TARS2: variants seen among roughly 807,000 people sequenced by gnomAD.
TARS2 encodes the protein threonyl-tRNA synthetase 2, mitochondrial.
In TARS2, 61 loss-of-function variants were observed where a neutral mutation model predicts 94.4. The ratio of observed to expected loss-of-function variants is 0.65; its 90% CI spans 0.53 to 0.80. The LOEUF (loss-of-function observed/expected upper bound fraction) is 0.80, where lower values mean the gene tolerates loss of function less well. Among genes scored for constraint, TARS2 ranks in the 30% least tolerant of loss-of-function variants. TARS2 has a pLI of 0.00. For missense variants in TARS2, 704 were observed against 902.5 expected, an observed-to-expected ratio of 0.78 and a Z score of 2.82; for synonymous variants, 359 against 353.4, an observed-to-expected ratio of 1.02 and a Z score of -0.18.
At chr1:150,499,910 A>G (rs1669837150) in intron 13 of TARS2, among the ~76,000 whole-genome samples, 1 of 151,690 alleles carries the variant, frequency 6.6e-6, no homozygotes, top group Middle Eastern at 3.2e-3. Context: ...CCAAGTAAAG[A>G]TGTGTTTCAG....
intron 13 of TARS2, among the ~76,000 whole-genome samples, chr1:150,499,794 C>T (rs927194485): frequency 2.0e-5 from 3 of 152,086 alleles, no homozygotes; most frequent in Admixed American, 6.6e-5. Flanking sequence ...GAGATCTGTG[C>T]TGTGTAGGTA....
intron 13 of TARS2, among the ~76,000 whole-genome samples, chr1:150,501,683 T>C (rs1216944334): frequency 1.3e-5 from 2 of 151,912 alleles, no homozygotes; most frequent in Admixed American, 6.6e-5. Flanking sequence ...CTGGATGTGA[T>C]GGTGGGCACC....
intron 7 of TARS2, among the ~76,000 whole-genome samples, chr1:150,495,040 GAGGTGGCGGGCGCCTGTAGTCCC>G (rs1454658382): frequency 6.6e-6 from 1 of 152,070 alleles, no homozygotes; most frequent in African/African-American, 2.4e-5. Context: ...TTAGCTGGGC[GAGGTGGCGGGCGCCTGTAGTCCC>G]AGCTACTTGG....
chr1:150,497,571 C>A lies in TARS2; in HGVS notation c.1062C>A (p.Pro354=), dbSNP rs761254077. The part of the protein sequence containing the change: ...AHRGFSEVKT[P]TLFSTKLWEQ... ...GTGGTTTCTCCGAGGTGAAAACTCC[C>A]ACACTGTTTTCTACGAAGCTCTGGG... The change falls in exon 10 of 18, where the codon CCC becomes CCA. Residue 354 remains proline, a synonymous_variant. Transcript: ENST00000369064. The A allele has an allele frequency of 6.2e-7, 1 of 1,614,144 alleles. No homozygotes were observed. The highest frequency in any genetic ancestry group is 1.1e-5 in the South Asian group (1 of 91,088).
Position 150,504,749 on chromosome 1 carries a change from T to A in TARS2, c.1820+16T>A. 6.2e-7 allele frequency: 1 copy of A among 1,613,936 alleles called. No individual in the cohort carries two copies. Among genetic ancestry groups the A allele is most frequent in the Non-Finnish European group, 8.5e-7 (1 of 1,179,820 alleles). ...GGGGGAAATGGTGAGACCTCTGACC[T>A]GGATTTCTGTTCTGGCCCCAAACCG... is the stretch of plus-strand genomic sequence containing the variant. On this transcript the variant is annotated intron_variant, in intron 15 of 17. Transcript: ENST00000369064.
intron 15 of TARS2, 42 bp downstream of exon 15, chr1:150,504,775 G>C (rs1364249030): frequency 6.2e-7 from 1 of 1,611,794 alleles, no homozygotes; most frequent in Non-Finnish European, 8.5e-7. Flanking sequence ...CCCCAAACCG[G>C]ATAGTTATGC....
chr1:150,496,354 CCTA>C, intron 7 of TARS2, 125 bp from the exon 8 acceptor site: 2 of 1,111,556 alleles, frequency 1.8e-6, no homozygotes, highest in Middle Eastern at 2.5e-4. Flanking sequence ...AGGTGTTCAT[CCTA>C]CTGGTGGGAT....
intron 10 of TARS2, among the ~76,000 whole-genome samples, chr1:150,497,951 G>A (rs1045302896): frequency 2.6e-5 from 4 of 151,986 alleles, no homozygotes; most frequent in Admixed American, 6.6e-5. Context: ...AAATTAGCCG[G>A]GCACGGTGGC....
rs587655741 is a variant in TARS2 at position 150,487,601 on chromosome 1, C to T, written c.66+85C>T. ...AAATTTTTATGTTAACCCAGCCTCA[C>T]GCCACTCCTCCTCTCCCTGGTCCTC... On this transcript the variant is annotated intron_variant, in intron 1 of 17. Coordinates refer to ENST00000369064, the MANE Select transcript of TARS2 (RefSeq NM_025150.5). The T allele has an allele frequency of 2.4e-5, 37 of 1,554,008 alleles. No individual in the cohort carries two copies. In the African/African-American group the frequency reaches 4.3e-4, roughly 18 times the overall value.
At chr1:150,490,539 C>T in intron 3 of TARS2, 62 bp from the exon 4 acceptor site, 1 of 1,555,050 alleles carries the variant, frequency 6.4e-7, no homozygotes, top group Non-Finnish European at 8.7e-7. Flanking sequence ...AGGAAGAGCT[C>T]AGAGATCTAG....
rs1261880423 is a variant in TARS2, at chr1:150,498,482, C to A, written c.1239-20C>A. 2 of 1,555,400 alleles carry A rather than the reference C, an allele frequency of 1.3e-6. No individual in the cohort carries two copies. The highest frequency in any genetic ancestry group is 2.8e-5 in the African/African-American group (2 of 72,288). ...GCTAGTCCTCCCTATGGCCCTGACC[C>A]CTCTGCACCCCAACCTCAGCCTGAT... On this transcript the variant is annotated intron_variant, in intron 10 of 17. Transcript: ENST00000369064.
chr1:150,504,327 T>C lies in TARS2; in HGVS notation c.1618-8T>C. 6.2e-7 allele frequency: 1 copy of C among 1,614,018 alleles called. No homozygotes were observed. Among genetic ancestry groups the C allele is most frequent in the Non-Finnish European group, 8.5e-7 (1 of 1,179,980 alleles). On this transcript the variant is annotated splice_region_variant and splice_polypyrimidine_tract_variant and intron_variant, in intron 13 of 17. Transcript: ENST00000369064. ...CTTATCTCGTGCCTTCCCATCTGTT[T>C]CCTGTAGATTGACGTGCACCTCCAC...
In TARS2 at chr1:150,504,954, T is replaced by TG. The variant is rs1200771332; in HGVS notation, c.1870dup (p.Glu624GlyfsTer21). On this transcript the variant is annotated frameshift_variant, in exon 16 of 18. Coordinates refer to ENST00000369064, the MANE Select transcript of TARS2 (RefSeq NM_025150.5). LOFTEE classifies it high-confidence loss of function. ...AGGTGGTGGTCATCCCTGTGGGGAG[T>TG]GAGCAAGAGGAATACGCCAAAGAGG... 1 of 1,613,498 alleles carries TG rather than the reference T, an allele frequency of 6.2e-7. No individual in the cohort carries two copies. The highest frequency in any genetic ancestry group is 8.5e-7 in the Non-Finnish European group (1 of 1,179,950).
In TARS2 at chr1:150,504,226, A is replaced by G. The variant is rs1055505385; in HGVS notation, c.1618-109A>G. 6 of 972,506 alleles carry G rather than the reference A, an allele frequency of 6.2e-6. No homozygotes were observed. The African/African-American group carries it at 6.4e-5, about 10-fold the overall frequency. 60.2% of individuals were successfully genotyped at this position (972,506 alleles called of 1,614,324 possible). ...AGCTAGGTGACATGATGAAGGTAGT[A>G]GCCCGGGATGAGGGTAGGTTAAAGG... On this transcript the variant is annotated intron_variant, in intron 13 of 17. Transcript: ENST00000369064.
rs1247120388 is a variant in TARS2, at chr1:150,504,678, C to T, written c.1765C>T (p.Leu589Phe). The T allele has an allele frequency of 6.2e-7, 1 of 1,613,934 alleles. No homozygotes were observed. Among genetic ancestry groups the T allele is most frequent in the South Asian group, 1.1e-5 (1 of 91,080 alleles). ...ERPVLIHRAV[L>F]GSVERLLGVL... ...TCCAGTCCTCATTCACCGAGCAGTG[C>T]TCGGTTCTGTGGAAAGACTGTTGGG... is the stretch of plus-strand genomic sequence containing the variant. Residue 589 changes from leucine to phenylalanine, a missense_variant, in exon 15 of 18, where the codon CTC (leucine) becomes TTC (phenylalanine). Physicochemically the swap from Leu to Phe is conservative, Grantham distance 22. Transcript: ENST00000369064.
At chr1:150,501,974 G>T (rs1024672519) in intron 13 of TARS2, among the ~76,000 whole-genome samples, 2 of 151,366 alleles carry the variant, frequency 1.3e-5, no homozygotes, top group Non-Finnish European at 2.9e-5. Context: ...GTGCAGTGGC[G>T]CAATCTCGGC....
intron 13 of TARS2, among the ~76,000 whole-genome samples, chr1:150,503,625 G>GTA (rs1263338831): frequency 6.7e-5 from 8 of 118,656 alleles, no homozygotes; most frequent in African/African-American, 2.2e-4. Context: ...ATATGTGTGT[G>GTA]TATATATGTG....
chr1:150,502,927 TGA>T (rs1488705174), intron 13 of TARS2, among the ~76,000 whole-genome samples: 1 of 152,102 alleles, frequency 6.6e-6, no homozygotes. Flanking sequence ...AGAAAAAAAT[TGA>T]GAGAGGTTAA....
In TARS2 at chr1:150,496,545, TC is replaced by T; in HGVS notation, c.840del (p.Phe281SerfsTer7). 2.5e-6 allele frequency: 4 copies of T among 1,614,146 alleles called. No individual in the cohort carries two copies. Among genetic ancestry groups the T allele is most frequent in the Non-Finnish European group, 3.4e-6 (4 of 1,180,034 alleles). On this transcript the variant is annotated frameshift_variant, in exon 8 of 18. Coordinates refer to ENST00000369064, the MANE Select transcript of TARS2 (RefSeq NM_025150.5). LOFTEE classifies it high-confidence loss of function. Reference protein sequence around the residue: ...PETLQRVSGISFPTTELLRVW... With the variant: ...PETLQRVSGIXFPTTELLRVW... ...GACACTGCAGAGAGTGTCAGGGATT[TC>T]CTTCCCCACAACAGAATTGCTGAGG...
Sources: gnomAD v4.1 joint callset for allele counts (sites outside exome capture counted in the v4.1 genomes callset) on GRCh38, gnomAD v4.1.1 for gene constraint, MANE v1.5 for transcripts, NCBI Gene and HGNC (gene_info 2026-07-23, HGNC 2026-07-21) for gene names.